SLC3A1: variants seen among roughly 807,000 people sequenced by gnomAD.
The protein encoded by SLC3A1 is solute carrier family 3 member 1.
A neutral mutation model predicts 60.3 loss-of-function variants in SLC3A1; 78 were observed. The ratio of observed to expected loss-of-function variants is 1.29; its 90% CI spans 1.08 to 1.56. SLC3A1 has a LOEUF of 1.56. Among genes scored for constraint, SLC3A1 ranks in the 40% most tolerant of loss-of-function variants. SLC3A1 has a pLI of 0.00. For missense variants in SLC3A1, 1,172 were observed against 858.9 expected, an observed-to-expected ratio of 1.36 and a Z score of -4.56; for synonymous variants, 392 against 307.9, an observed-to-expected ratio of 1.27 and a Z score of -2.86.
rs182049927 is a variant in SLC3A1, at chr2:44,306,858, A to C, written c.1332+2520A>C. Among the ~76,000 whole-genome samples, 214 of 151,430 alleles carry C rather than the reference A, an allele frequency of 1.4e-3. 1 individual carries two copies. The highest frequency in any genetic ancestry group is 5.0e-3 in the African/African-American group (206 of 41,248). Reference sequence around the variant, plus strand: ...AGGTGTGAGCCACTGAGCCCAGCCAAAATTTACCGTTATTAAAGTATATAA... The same window carrying C: ...AGGTGTGAGCCACTGAGCCCAGCCACAATTTACCGTTATTAAAGTATATAA... On this transcript the variant is annotated intron_variant, in intron 7 of 9. Coordinates refer to ENST00000260649, the MANE Select transcript of SLC3A1 (RefSeq NM_000341.4).
At chr2:44,295,596 G>A (rs1288995057) in intron 4 of SLC3A1, among the ~76,000 whole-genome samples, 1 of 152,148 alleles carries the variant, frequency 6.6e-6, no homozygotes, top group African/African-American at 2.4e-5. Context: ...TGTCCATCAA[G>A]CTTTTACTGT....
chr2:44,275,527 C>A lies in SLC3A1; in HGVS notation c.-9C>A. Reference sequence around the variant, plus strand: ...AGGAAGGCACTCCGAAGACATAAGTCGGTGAGACATGGCTGAAGATAAAAG... The same window carrying A: ...AGGAAGGCACTCCGAAGACATAAGTAGGTGAGACATGGCTGAAGATAAAAG... On this transcript the variant is annotated 5_prime_UTR_variant, in exon 1 of 10. Transcript: ENST00000260649. 6.2e-7 allele frequency: 1 copy of A among 1,612,772 alleles called. No individual in the cohort carries two copies. The highest frequency in any genetic ancestry group is 1.1e-5 in the South Asian group (1 of 90,708).
downstream of SLC3A1, chr2:44,321,703 C>G (rs1334324450): frequency 6.3e-7 from 1 of 1,581,264 alleles, no homozygotes; most frequent in Admixed American, 1.8e-5. Flanking sequence ...CCTCCTGGGT[C>G]TCACCCATAG....
Position 44,280,892 on chromosome 2 carries a change from A to C in SLC3A1, c.607A>C (p.Lys203Gln). ...GAATCTGGTTGCAGCCATACATGAT[A>C]AAGGTAAGTTGAATGGAAAGTGGGC... ...FENLVAAIHD[K>Q]GLKLIIDFIP... Residue 203 changes from lysine (K) to glutamine (Q), a missense_variant, in exon 2 of 10, where the codon AAA (lysine) becomes CAA (glutamine). Coordinates refer to ENST00000260649, the MANE Select transcript of SLC3A1 (RefSeq NM_000341.4). 4 of 1,614,004 alleles carry C rather than the reference A, an allele frequency of 2.5e-6. No individual in the cohort carries two copies. Among genetic ancestry groups the C allele is most frequent in the Non-Finnish European group, 3.4e-6 (4 of 1,179,882 alleles).
At position 44,320,564 on chromosome 2, in the gene SLC3A1, T is replaced by A. The variant is rs1303011184; in HGVS notation, c.1983T>A (p.Ala661=). The A allele has an allele frequency of 6.2e-7, 1 of 1,614,082 alleles. No homozygotes were observed. The highest frequency in any genetic ancestry group is 8.5e-7 in the Non-Finnish European group (1 of 1,179,942). Residue 661 remains alanine, a synonymous_variant, in exon 10 of 10, where the codon GCT becomes GCA. Coordinates refer to ENST00000260649, the MANE Select transcript of SLC3A1 (RefSeq NM_000341.4). The part of the protein sequence containing the change: ...NTKNLLHRQT[A]FRDRCFVSNR... ...AGAATCTCCTTCATCGCCAAACAGC[T>A]TTCAGAGATAGATGCTTTGTTTCCA...
At chr2:44,318,184 G>A (rs1455206999) in intron 9 of SLC3A1, 26 of 419,740 alleles carry the variant, frequency 6.2e-5, no homozygotes, top group Middle Eastern at 3.6e-4. Context: ...TCTGCTTCCT[G>A]GGTTCAAGTG....
intron 1 of SLC3A1, among the ~76,000 whole-genome samples, chr2:44,276,611 AGCTACTTGGGAG>A (rs113029421): frequency 0.18 from 28,072 of 151,984 alleles, 2,959 homozygotes; most frequent in African/African-American, 0.28. Flanking sequence ...CTGTAGTTGC[AGCTACTTGGGAG>A]GCTGAGGTGG....
intron 7 of SLC3A1, among the ~76,000 whole-genome samples, chr2:44,304,812 A>ATT (rs1672111812): frequency 3.5e-5 from 4 of 114,524 alleles, no homozygotes; most frequent in East Asian, 2.3e-4. Context: ...TCTTGAAAAC[A>ATT]ATTTTTTTTT....
At chr2:44,318,218 G>T in intron 9 of SLC3A1, 1 of 380,340 alleles carries the variant, frequency 2.6e-6, no homozygotes. Flanking sequence ...AGCCTCCCAA[G>T]TAGCTGGGAT....
At position 44,301,109 on chromosome 2, in the gene SLC3A1, C is replaced by T. The variant is rs748102054; in HGVS notation, c.1118C>T (p.Thr373Met). The T allele has an allele frequency of 2.4e-5, 39 of 1,611,710 alleles. No homozygotes were observed. Among genetic ancestry groups the T allele is most frequent in the Middle Eastern group, 3.3e-4 (2 of 6,084 alleles). Residue 373 changes from threonine (T) to methionine (M), a missense_variant, in exon 6 of 10, where the codon ACG becomes ATG. Thr to Met is a moderately conservative substitution (Grantham distance 81). Transcript: ENST00000260649. The part of the protein sequence containing the change: ...SFRQTMDQYS[T>M]EPGRYRFMGT... Reference sequence around the variant, plus strand: ...CGGCAGACCATGGACCAATACAGCACGGAGCCCGGCAGATACAGGTTGACC... The same window carrying T: ...CGGCAGACCATGGACCAATACAGCATGGAGCCCGGCAGATACAGGTTGACC...
chr2:44,285,693 A>G (rs951790296), intron 3 of SLC3A1: 1 of 508,742 alleles, frequency 2.0e-6, no homozygotes, highest in Non-Finnish European at 4.0e-6. Flanking sequence ...TTCTCTTCAC[A>G]AACAAGAGTT....
Position 44,321,384 on chromosome 2 carries a change from T to C in SLC3A1, c.*745T>C. The C allele has an allele frequency of 6.2e-7, 1 of 1,612,260 alleles. No individual in the cohort carries two copies. Among genetic ancestry groups the C allele is most frequent in the Non-Finnish European group, 8.5e-7 (1 of 1,178,494 alleles). ...GAATTTCAGGTATTTCTTAAGATCC[T>C]CGAAAACACTGGTGCTGTCAAGTCC... On this transcript the variant is annotated 3_prime_UTR_variant, in exon 10 of 10. Transcript: ENST00000260649.
chr2:44,303,755 G>C (rs113083661), intron 6 of SLC3A1: 1 of 353,992 alleles, frequency 2.8e-6, no homozygotes, highest in Non-Finnish European at 5.4e-6. Context: ...GACAGGCCCC[G>C]GTGTGTGATG....
At chr2:44,302,520 G>A (rs1188127031) in intron 6 of SLC3A1, among the ~76,000 whole-genome samples, 1 of 152,202 alleles carries the variant, frequency 6.6e-6, no homozygotes, top group African/African-American at 2.4e-5. Flanking sequence ...AATGTCCACA[G>A]GTAGGAGTGG....
At chr2:44,282,995 A>C (rs977149911) in intron 3 of SLC3A1, among the ~76,000 whole-genome samples, 1 of 152,066 alleles carries the variant, frequency 6.6e-6, no homozygotes. Context: ...ATGCGTGTTG[A>C]TCTGAATTCA....
At chr2:44,286,005 T>G in intron 3 of SLC3A1, 27 bp from the exon 4 acceptor site, 3 of 1,613,992 alleles carry the variant, frequency 1.9e-6, no homozygotes, top group Middle Eastern at 1.7e-4. Context: ...TATAGGTCAC[T>G]GATGTGCTGT....
chr2:44,301,792 G>A (rs975344049), intron 6 of SLC3A1, among the ~76,000 whole-genome samples: 2 of 151,196 alleles, frequency 1.3e-5, no homozygotes, highest in Non-Finnish European at 2.9e-5. Flanking sequence ...ACCTGGGTGC[G>A]GTAGCTCATG....
intron 9 of SLC3A1, chr2:44,319,692 T>G (rs1672759586): frequency 6.5e-6 from 1 of 152,704 alleles, no homozygotes; most frequent in African/African-American, 2.4e-5. Flanking sequence ...TTTTTTCAAC[T>G]TTGTCTTCTA....
chr2:44,307,186 C>G (rs1282318759), intron 7 of SLC3A1, among the ~76,000 whole-genome samples: 2 of 152,120 alleles, frequency 1.3e-5, no homozygotes, highest in Non-Finnish European at 2.9e-5. Flanking sequence ...GTACATCGTT[C>G]CTTTTTATGG....
Sources: gnomAD v4.1 joint callset for allele counts (sites outside exome capture counted in the v4.1 genomes callset) on GRCh38, gnomAD v4.1.1 for gene constraint, MANE v1.5 for transcripts, NCBI Gene and HGNC (gene_info 2026-07-23, HGNC 2026-07-21) for gene names.